HHAT: variants seen among roughly 807,000 people sequenced by gnomAD.
The protein encoded by HHAT is protein-cysteine N-palmitoyltransferase HHAT.
A neutral mutation model predicts 70.8 loss-of-function variants in HHAT; 47 were observed. The observed-to-expected ratio is 0.66, with a 90% confidence interval of 0.53 to 0.85. The LOEUF is 0.85. HHAT is among the 40% of genes least tolerant of loss of function. The probability of loss-of-function intolerance (pLI) is 0.00; values close to 1 mark genes in which losing one functional copy is unlikely to be tolerated. For missense variants in HHAT, 609 were observed against 604.8 expected (o/e 1.01, Z -0.07); for synonymous variants, 228 against 247.6 (o/e 0.92, Z 0.74).
chr1:210,510,396 G>A (rs952284037), intron 8 of HHAT, among the ~76,000 whole-genome samples: 27 of 152,298 alleles, frequency 1.8e-4, no homozygotes, highest in African/African-American at 5.5e-4. Context: ...AGACACAAAA[G>A]CACAAATACT....
chr1:210,656,012 C>T (rs1209292481), intron 11 of HHAT, among the ~76,000 whole-genome samples: 1 of 152,228 alleles, frequency 6.6e-6, no homozygotes. Flanking sequence ...GCTTCCCAAA[C>T]TGCCCAGATG....
At chr1:210,558,065 A>G (rs1397072204) in intron 9 of HHAT, among the ~76,000 whole-genome samples, 7 of 152,212 alleles carry the variant, frequency 4.6e-5, no homozygotes, top group African/African-American at 1.2e-4. Context: ...CCACTTGAGC[A>G]GTGAGAATGA....
intron 9 of HHAT, among the ~76,000 whole-genome samples, chr1:210,539,943 G>A (rs922229627): frequency 1.3e-5 from 2 of 152,160 alleles, no homozygotes; most frequent in Non-Finnish European, 2.9e-5. Flanking sequence ...ATGCCACCTG[G>A]CAGCCTTTAA....
intron 11 of HHAT, among the ~76,000 whole-genome samples, chr1:210,634,386 G>A (rs896450531): frequency 2.0e-5 from 3 of 152,186 alleles, no homozygotes; most frequent in African/African-American, 7.2e-5. Context: ...CATTTGTCTT[G>A]GTTCCAAGCT....
At chr1:210,617,671 G>T (rs1240378946) in intron 10 of HHAT, among the ~76,000 whole-genome samples, 2 of 152,194 alleles carry the variant, frequency 1.3e-5, no homozygotes, top group Non-Finnish European at 2.9e-5. Context: ...GCTAAACTTT[G>T]GCCTCTGCAG....
In HHAT at chr1:210,610,141, G is replaced by GTGTTT. The variant is rs1002172950; in HGVS notation, c.1246-13368_1246-13364dup. 5.3e-5 allele frequency among the ~76,000 whole-genome samples: 8 copies of GTGTTT among 152,162 alleles called. 1 individual carries two copies. Among genetic ancestry groups the GTGTTT allele is most frequent in the Admixed American group, 2.0e-4 (3 of 15,270 alleles). ...TTACACTCCCACCAACAGTGTAAAA[G>GTGTTT]TGTTTTGTTTTGTTTTGTTTTCTCT... On this transcript the variant is annotated intron_variant, in intron 10 of 11. Coordinates refer to ENST00000261458, the MANE Select transcript of HHAT (RefSeq NM_018194.6).
chr1:210,347,001 C>T (rs1482881091), intron 1 of HHAT, among the ~76,000 whole-genome samples: 1 of 152,192 alleles, frequency 6.6e-6, no homozygotes, highest in East Asian at 1.9e-4. Flanking sequence ...TTAACATACC[C>T]ATCACCTTAC....
chr1:210,447,303 C>G (rs933990988), intron 7 of HHAT, among the ~76,000 whole-genome samples: 1 of 152,216 alleles, frequency 6.6e-6, no homozygotes, highest in Non-Finnish European at 1.5e-5. Flanking sequence ...GACATTATCT[C>G]TACTGGTTTA....
intron 4 of HHAT, among the ~76,000 whole-genome samples, chr1:210,397,993 C>CTTGT (rs1231885509): frequency 1.3e-5 from 2 of 152,128 alleles, no homozygotes; most frequent in Non-Finnish European, 2.9e-5. Flanking sequence ...ATTTTATTTA[C>CTTGT]TTGTTTGTTT....
At position 210,466,147 on chromosome 1, in the gene HHAT, G is replaced by T. The variant is rs118126607; in HGVS notation, c.1007+1492G>T. 4.1e-4 allele frequency among the ~76,000 whole-genome samples: 61 copies of T among 148,004 alleles called. No homozygotes were observed. In the East Asian group the frequency reaches 0.011, roughly 26 times the overall value. ...CGCAAGGAATGAATTGCAAGGAATC[G>T]CAAGGAATTGCAAGGAATTGCAATT... On this transcript the variant is annotated intron_variant, in intron 8 of 11. Coordinates refer to ENST00000261458, the MANE Select transcript of HHAT (RefSeq NM_018194.6).
intron 9 of HHAT, among the ~76,000 whole-genome samples, chr1:210,566,537 T>G (rs1654796922): frequency 6.6e-6 from 1 of 151,808 alleles, no homozygotes; most frequent in Admixed American, 6.6e-5. Flanking sequence ...CAGAAGCAGA[T>G]GAGGAGACAA....
intron 9 of HHAT, among the ~76,000 whole-genome samples, chr1:210,517,035 AATC>A (rs1477188194): frequency 6.6e-6 from 1 of 152,190 alleles, no homozygotes; most frequent in Non-Finnish European, 1.5e-5. Context: ...ATCTTATAGA[AATC>A]ATAGACAGAA....
chr1:210,508,058 G>A (rs2094891668), intron 8 of HHAT, among the ~76,000 whole-genome samples: 1 of 151,682 alleles, frequency 6.6e-6, no homozygotes, highest in Non-Finnish European at 1.5e-5. Flanking sequence ...AATTAGCCAG[G>A]TATGGTGGCA....
chr1:210,486,203 G>A (rs892537062), intron 8 of HHAT, among the ~76,000 whole-genome samples: 7 of 152,122 alleles, frequency 4.6e-5, no homozygotes, highest in African/African-American at 7.2e-5. Context: ...TGATAGAAGT[G>A]TAATCAGGAT....
intron 10 of HHAT, among the ~76,000 whole-genome samples, chr1:210,610,278 T>C (rs1157640361): frequency 1.3e-5 from 2 of 152,338 alleles, no homozygotes; most frequent in Admixed American, 6.5e-5. Flanking sequence ...ATCAGTGATG[T>C]TGAGCTTTTT....
intron 11 of HHAT, among the ~76,000 whole-genome samples, chr1:210,624,578 A>G (rs552350227): frequency 8.5e-5 from 13 of 152,328 alleles, no homozygotes; most frequent in Admixed American, 8.5e-4. Flanking sequence ...ACTAGGGGCC[A>G]ACCTTATGTT....
At chr1:210,649,171 A>G (rs926340672) in intron 11 of HHAT, among the ~76,000 whole-genome samples, 11 of 152,124 alleles carry the variant, frequency 7.2e-5, no homozygotes, top group Non-Finnish European at 1.5e-4. Context: ...AATAGAGGGG[A>G]ATTATTCTCA....
intron 11 of HHAT, among the ~76,000 whole-genome samples, chr1:210,633,982 A>C (rs1671375540): frequency 6.6e-6 from 1 of 152,358 alleles, no homozygotes; most frequent in South Asian, 2.1e-4. Context: ...AGGACTTAAA[A>C]AAAAATATTT....
At chr1:210,528,055 C>T (rs4845043) in intron 9 of HHAT, among the ~76,000 whole-genome samples, 37,332 of 152,092 alleles carry the variant, frequency 0.25, 4,769 homozygotes, top group East Asian at 0.41. Context: ...AGCAAAAAGA[C>T]ATGCAATTCC....
Sources: gnomAD v4.1 joint callset for allele counts (sites outside exome capture counted in the v4.1 genomes callset) on GRCh38, gnomAD v4.1.1 for gene constraint, MANE v1.5 for transcripts, NCBI Gene and HGNC (gene_info 2026-07-23, HGNC 2026-07-21) for gene names.